Variants in SLC26A2 observed in about 807,000 individuals in gnomAD.
SLC26A2 encodes the protein solute carrier family 26 member 2, also known as sulfate transporter.
A neutral mutation model predicts 41.1 loss-of-function variants in SLC26A2; 36 were observed. That is an observed-to-expected ratio of 0.88 (90% confidence interval 0.67 to 1.16). The LOEUF is 1.16. SLC26A2 is among the 50% of genes most tolerant of loss of function. The probability of loss-of-function intolerance (pLI) is 0.00; values close to 1 mark genes in which losing one functional copy is unlikely to be tolerated. For missense variants in SLC26A2, 796 were observed against 869.6 expected (o/e 0.92, Z 1.07); for synonymous variants, 291 against 311.6 (o/e 0.93, Z 0.70).
chr5:149,961,160 G>A (rs1422683413), intron 1 of SLC26A2, among the ~76,000 whole-genome samples, 181 bp downstream of exon 1: 2 of 152,244 alleles, frequency 1.3e-5, no homozygotes, highest in African/African-American at 4.8e-5. Context: ...GGGGCCGGGC[G>A]AGTGGCACTG....
rs952382579 is a variant in SLC26A2, at chr5:149,984,343, C to T, written c.*2530C>T. 6.6e-6 allele frequency: 1 copy of T among 152,160 alleles called. No homozygotes were observed. Among genetic ancestry groups the T allele is most frequent in the African/African-American group, 2.4e-5 (1 of 41,414 alleles). The allele number at this position is 152,160 out of a possible 1,614,324, so 9.4% of individuals were successfully genotyped here. A position where few individuals can be genotyped will look rare whatever the true frequency, so the allele number is the denominator to read the frequency against. Reference sequence around the variant, plus strand: ...ATATTCAGAGGAATGAAACCTGGAACCAAAGCCTAATTTGCCGATAAAAAA... The same window carrying T: ...ATATTCAGAGGAATGAAACCTGGAATCAAAGCCTAATTTGCCGATAAAAAA... On this transcript the variant is annotated 3_prime_UTR_variant, in exon 3 of 3. Coordinates refer to ENST00000286298, the MANE Select transcript of SLC26A2 (RefSeq NM_000112.4).
chr5:149,974,705 G>A (rs1197235834), intron 1 of SLC26A2, among the ~76,000 whole-genome samples: 1 of 148,668 alleles, frequency 6.7e-6, no homozygotes, highest in Non-Finnish European at 1.5e-5. Flanking sequence ...TTACAGGTGT[G>A]AGCCACTGCA....
rs1488740412 is a variant in SLC26A2 at position 149,981,458 on chromosome 5, A to G, written c.1865A>G (p.Lys622Arg). 1.2e-6 allele frequency: 2 copies of G among 1,614,060 alleles called. No individual in the cohort carries two copies. The highest frequency in any genetic ancestry group is 2.7e-5 in the African/African-American group (2 of 74,936). ...AAGAAGGCAGCAAAGAGAAAGATCAAAGAAAAAGTAGTGACTCTTGGTGGA... is the reference window on the plus strand; with the variant it reads ...AAGAAGGCAGCAAAGAGAAAGATCAGAGAAAAAGTAGTGACTCTTGGTGGA... ...AWKKAAKRKI[K>R]EKVVTLGGIQ... Residue 622 changes from lysine (K) to arginine (R), a missense_variant, in exon 3 of 3, where the codon AAA becomes AGA. Transcript: ENST00000286298.
chr5:149,970,764 G>A (rs565267562), intron 1 of SLC26A2, among the ~76,000 whole-genome samples: 2 of 152,214 alleles, frequency 1.3e-5, no homozygotes, highest in African/African-American at 4.8e-5. Flanking sequence ...AGAAGGGATT[G>A]GATTACAAAT....
chr5:149,981,472 A>G lies in SLC26A2; in HGVS notation c.1879A>G (p.Thr627Ala). The change falls in exon 3 of 3, where the codon ACT becomes GCT. Residue 627 changes from threonine to alanine, a missense_variant. By Grantham distance (58) the Thr-to-Ala change is moderately conservative. Coordinates refer to ENST00000286298, the MANE Select transcript of SLC26A2 (RefSeq NM_000112.4). ...AKRKIKEKVV[T>A]LGGIQDEMSV... ...GAGAAAGATCAAAGAAAAAGTAGTG[A>G]CTCTTGGTGGAATCCAGGATGAAAT... 1 of 1,614,030 alleles carries G rather than the reference A, an allele frequency of 6.2e-7. No homozygotes were observed. The highest frequency in any genetic ancestry group is 8.5e-7 in the Non-Finnish European group (1 of 1,179,954).
rs372573342 is a variant in SLC26A2, at chr5:149,981,402, T to C, written c.1809T>C (p.Thr603=). The C allele has an allele frequency of 6.2e-7, 1 of 1,613,962 alleles. No homozygotes were observed. The highest frequency in any genetic ancestry group is 1.3e-5 in the African/African-American group (1 of 74,904). ...TTAAATCTGCTTTATACAAACAAACTGTCAACCCAATCTTAATAAAGGTGG... is the reference window on the plus strand; with the variant it reads ...TTAAATCTGCTTTATACAAACAAACCGTCAACCCAATCTTAATAAAGGTGG... ...ECFKSALYKQ[T]VNPILIKVAW... Residue 603 remains threonine (T), a synonymous_variant, in exon 3 of 3, where the codon ACT becomes ACC. Coordinates refer to ENST00000286298, the MANE Select transcript of SLC26A2 (RefSeq NM_000112.4).
In SLC26A2 at chr5:149,980,468, A is replaced by G. The variant is rs761259326; in HGVS notation, c.875A>G (p.His292Arg). ...GGCTCACTCATCACTACCTGGATAC[A>G]TGTCTTCAGAAACATCCATAAGACC... ...GVGSLITTWI[H>R]VFRNIHKTNL... The change falls in exon 3 of 3, where the codon CAT becomes CGT. Residue 292 changes from histidine to arginine, a missense_variant. His to Arg is a conservative substitution (Grantham distance 29, BLOSUM62 0). Coordinates refer to ENST00000286298, the MANE Select transcript of SLC26A2 (RefSeq NM_000112.4). The G allele has an allele frequency of 2.9e-5, 46 of 1,613,988 alleles. No homozygotes were observed. The Admixed American group carries it at 5.2e-4, about 18-fold the overall frequency.
rs937349326 is a variant in SLC26A2, at chr5:149,984,107, A to G, written c.*2294A>G. On this transcript the variant is annotated 3_prime_UTR_variant, in exon 3 of 3. Coordinates refer to ENST00000286298, the MANE Select transcript of SLC26A2 (RefSeq NM_000112.4). Reference sequence around the variant, plus strand: ...ACCAGCGATTTCTGTCCATATGTGGATGTAAACAGTTCTGGAACGTTATGC... The same window carrying G: ...ACCAGCGATTTCTGTCCATATGTGGGTGTAAACAGTTCTGGAACGTTATGC... 2 of 152,260 alleles carry G rather than the reference A, an allele frequency of 1.3e-5. No homozygotes were observed. The highest frequency in any genetic ancestry group is 2.4e-5 in the African/African-American group (1 of 41,478). The allele number at this position is 152,260 out of a possible 1,614,324, so 9.4% of individuals were successfully genotyped here.
In SLC26A2 at chr5:149,981,320, CAGG is replaced by C; in HGVS notation, c.1728_1730del (p.Gly577del). 1 of 1,614,082 alleles carries C rather than the reference CAGG, an allele frequency of 6.2e-7. No homozygotes were observed. Among genetic ancestry groups the C allele is most frequent in the Non-Finnish European group, 8.5e-7 (1 of 1,179,988 alleles). On this transcript the variant is annotated inframe_deletion, in exon 3 of 3. Coordinates refer to ENST00000286298, the MANE Select transcript of SLC26A2 (RefSeq NM_000112.4). Reference sequence around the variant, plus strand: ...GCTTACAAGAACCTTCAGATTAAGCCAGGCATCAAGATTTTCCGCTTTGTAGCC... The same window carrying C: ...GCTTACAAGAACCTTCAGATTAAGCCCATCAAGATTTTCCGCTTTGTAGCC...
chr5:149,974,531 TC>T (rs1754958590), intron 1 of SLC26A2, among the ~76,000 whole-genome samples: 1 of 151,760 alleles, frequency 6.6e-6, no homozygotes, highest in East Asian at 1.9e-4. Context: ...CAAGCAATTC[TC>T]CTGCCTCAGC....
chr5:149,983,905 C>G lies in SLC26A2; in HGVS notation c.*2092C>G, dbSNP rs1209873098. ...TTATTTATTTTTAATCTCTCTTGCC[C>G]TTCTCCCAAGGCAGGCTTAAGTTGA... On this transcript the variant is annotated 3_prime_UTR_variant, in exon 3 of 3. Transcript: ENST00000286298. 6.6e-6 allele frequency: 1 copy of G among 152,210 alleles called. No homozygotes were observed. The highest frequency in any genetic ancestry group is 2.4e-5 in the African/African-American group (1 of 41,436). 9.4% of individuals were successfully genotyped at this position (152,210 alleles called of 1,614,324 possible).
rs115620919 is a variant in SLC26A2, at chr5:149,981,438, G to A, written c.1845G>A (p.Lys615=). ...TCTTAATAAAGGTGGCTTGGAAGAA[G>A]GCAGCAAAGAGAAAGATCAAAGAAA... ...NPILIKVAWK[K]AAKRKIKEKV... Residue 615 remains lysine, a synonymous_variant, in exon 3 of 3, where the codon AAG becomes AAA. Coordinates refer to ENST00000286298, the MANE Select transcript of SLC26A2 (RefSeq NM_000112.4). The A allele has an allele frequency of 6.2e-7, 1 of 1,614,058 alleles. No homozygotes were observed. The highest frequency in any genetic ancestry group is 1.3e-5 in the African/African-American group (1 of 75,026).
intron 1 of SLC26A2, among the ~76,000 whole-genome samples, chr5:149,967,795 G>A (rs1392928682): frequency 6.6e-6 from 1 of 151,562 alleles, no homozygotes; most frequent in Non-Finnish European, 1.5e-5. Context: ...TGTCACCTGG[G>A]CTAGAGTGCA....
At chr5:149,978,880 TTTTTTA>T (rs1755044347) in intron 2 of SLC26A2, among the ~76,000 whole-genome samples, 1 of 151,746 alleles carries the variant, frequency 6.6e-6, no homozygotes, top group Non-Finnish European at 1.5e-5. Flanking sequence ...TTTTATTTTA[TTTTTTA>T]TTTTTATTTT....
At position 149,986,907 on chromosome 5, in the gene SLC26A2, G is replaced by A. The variant is rs1755208731; in HGVS notation, c.*5094G>A. On this transcript the variant is annotated 3_prime_UTR_variant, in exon 3 of 3. Transcript: ENST00000286298. ...CAACACAAATCAGTTGGAAAATTAT[G>A]GTTTGAGTCCTGTTGCTGCCATGGC... The A allele has an allele frequency of 6.6e-6, 1 of 152,176 alleles. No homozygotes were observed. The highest frequency in any genetic ancestry group is 6.5e-5 in the Admixed American group (1 of 15,284). 9.4% of individuals were successfully genotyped at this position (152,176 alleles called of 1,614,324 possible).
At chr5:149,970,860 A>G (rs1165963216) in intron 1 of SLC26A2, among the ~76,000 whole-genome samples, 1 of 152,234 alleles carries the variant, frequency 6.6e-6, no homozygotes, top group Non-Finnish European at 1.5e-5. Flanking sequence ...GGAGCATGGC[A>G]TAGGGGAAAG....
rs774585651 is a variant in SLC26A2, at chr5:149,977,810, G to A, written c.158G>A (p.Arg53Lys). Residue 53 changes from arginine (R) to lysine (K), a missense_variant, in exon 2 of 3, where the codon AGG (arginine) becomes AAG (lysine). Transcript: ENST00000286298. ...AATGATCAATGCAGACCTTATCATA[G>A]GATCCTTATTGAGCGTCAAGAGAAA... ...ETNDQCRPYH[R>K]ILIERQEKSD... 8.1e-6 allele frequency: 13 copies of A among 1,614,118 alleles called. No individual in the cohort carries two copies. In the South Asian group the frequency reaches 1.4e-4, roughly 18 times the overall value.
intron 1 of SLC26A2, among the ~76,000 whole-genome samples, chr5:149,965,867 A>G (rs1317804275): frequency 1.3e-5 from 2 of 152,160 alleles, no homozygotes; most frequent in Non-Finnish European, 2.9e-5. Context: ...TCTGCCTTTA[A>G]GTAGCAAATG....
rs1554095374 is a variant in SLC26A2, at chr5:149,981,407, AC to A, written c.1817del (p.Pro606GlnfsTer3). ...TCTGCTTTATACAAACAAACTGTCA[AC>A]CCAATCTTAATAAAGGTGGCTTGGA... ...FKSALYKQTV[N>X]PILIKVAWKK... On this transcript the variant is annotated frameshift_variant, in exon 3 of 3. Coordinates refer to ENST00000286298, the MANE Select transcript of SLC26A2 (RefSeq NM_000112.4). LOFTEE classifies it high-confidence loss of function. 7 of 1,614,104 alleles carry A rather than the reference AC, an allele frequency of 4.3e-6. No homozygotes were observed. In the South Asian group the frequency reaches 7.7e-5, roughly 18 times the overall value.
Sources: gnomAD v4.1 joint callset for allele counts (sites outside exome capture counted in the v4.1 genomes callset) on GRCh38, gnomAD v4.1.1 for gene constraint, MANE v1.5 for transcripts, NCBI Gene and HGNC (gene_info 2026-07-23, HGNC 2026-07-21) for gene names.